Variants in ANKRD44 observed in about 807,000 individuals in gnomAD.
The protein encoded by ANKRD44 is serine/threonine-protein phosphatase 6 regulatory ankyrin repeat subunit B.
Under a neutral mutation model 116.0 loss-of-function variants are expected in ANKRD44, and 35 were observed. The ratio of observed to expected loss-of-function variants is 0.30; its 90% CI spans 0.23 to 0.40. The LOEUF is 0.40. ANKRD44 is among the 10% of genes least tolerant of loss of function. The pLI is 1.00. For missense variants in ANKRD44, 1,014 were observed against 1,242.6 expected, an observed-to-expected ratio of 0.82 and a Z score of 2.77; for synonymous variants, 435 against 461.8, an observed-to-expected ratio of 0.94 and a Z score of 0.74.
chr2:197,124,689 C>G (rs1192576092), intron 6 of ANKRD44, among the ~76,000 whole-genome samples: 1 of 152,176 alleles, frequency 6.6e-6, no homozygotes, highest in Non-Finnish European at 1.5e-5. Flanking sequence ...GTCTATTTTT[C>G]TAATGGCAGG....
chr2:197,186,711 T>G (rs914590635), intron 2 of ANKRD44, among the ~76,000 whole-genome samples: 4 of 134,160 alleles, frequency 3.0e-5, no homozygotes, highest in Non-Finnish European at 6.3e-5. Flanking sequence ...TCTGCCCAAC[T>G]CAGCCTCCCA....
chr2:197,081,301 A>G (rs1207212961), intron 15 of ANKRD44, among the ~76,000 whole-genome samples: 1 of 152,222 alleles, frequency 6.6e-6, no homozygotes, highest in African/African-American at 2.4e-5. Flanking sequence ...CCAGGTCATA[A>G]GAGCAGAACC....
In ANKRD44 at chr2:197,201,250, G is replaced by A. The variant is rs975066115; in HGVS notation, c.28-14144C>T. On this transcript the variant is annotated intron_variant, in intron 1 of 27. Coordinates refer to ENST00000282272, the MANE Select transcript of ANKRD44 (RefSeq NM_001195144.2). This position sits in a 1 kb window ranked among gnomAD's most constrained non-coding sequence, Gnocchi z 4.0. ...CCCAGAATGTTCATGTGAAGGGCAC[G>A]TGTGAAGACATAATCTTGACAGTCA... is the stretch of plus-strand genomic sequence containing the variant. Among the ~76,000 whole-genome samples the A allele has an allele frequency of 9.2e-5, 14 of 152,200 alleles. No individual in the cohort carries two copies. Among genetic ancestry groups the A allele is most frequent in the East Asian group, 7.7e-4 (4 of 5,198 alleles).
At chr2:197,130,628 A>G (rs2079073480) in intron 4 of ANKRD44, among the ~76,000 whole-genome samples, 2 of 152,234 alleles carry the variant, frequency 1.3e-5, no homozygotes, top group African/African-American at 2.4e-5. Flanking sequence ...AGATTATAAA[A>G]TGCTTACTTT....
At chr2:197,128,006 T>C (rs1267930344) in intron 4 of ANKRD44, among the ~76,000 whole-genome samples, 1 of 152,232 alleles carries the variant, frequency 6.6e-6, no homozygotes, top group Non-Finnish European at 1.5e-5. Flanking sequence ...TATTGTTCCT[T>C]TTTATGGCTG....
At chr2:196,995,594 G>T (rs1419090964) in intron 25 of ANKRD44, 133 bp from the exon 26 acceptor site, 3 of 624,990 alleles carry the variant, frequency 4.8e-6, no homozygotes, top group Non-Finnish European at 7.9e-6. Flanking sequence ...TATTTTCTGA[G>T]TAATTTTTTT....
At chr2:197,191,153 G>C (rs993057530) in intron 1 of ANKRD44, among the ~76,000 whole-genome samples, 3 of 152,212 alleles carry the variant, frequency 2.0e-5, no homozygotes, top group Admixed American at 6.5e-5. Flanking sequence ...TGTCAGTGCT[G>C]CAGATATTGG....
At chr2:196,990,320 A>G in intron 27 of ANKRD44, 1 of 994,468 alleles carries the variant, frequency 1.0e-6, no homozygotes, top group East Asian at 1.1e-4. Context: ...TATACTTCTG[A>G]GAACTCACTG....
chr2:197,018,937 T>C (rs1489969831), intron 17 of ANKRD44, among the ~76,000 whole-genome samples: 1 of 150,414 alleles, frequency 6.6e-6, no homozygotes, highest in African/African-American at 2.4e-5. Flanking sequence ...CAAGATCACT[T>C]AGTTAGTAAG....
intron 1 of ANKRD44, among the ~76,000 whole-genome samples, chr2:197,236,277 T>C (rs2081975318): frequency 6.6e-6 from 1 of 152,124 alleles, no homozygotes; most frequent in Admixed American, 6.6e-5. Context: ...GCCCCTACTA[T>C]GCCCTAGCTT....
At chr2:196,976,295 CCTGG>C (rs1343672470) in intron 21 of ANKRD44, among the ~76,000 whole-genome samples, 7 of 152,022 alleles carry the variant, frequency 4.6e-5, no homozygotes, top group Non-Finnish European at 8.8e-5. Context: ...AGCCACCACG[CCTGG>C]CTAATTTTTT....
chr2:197,216,457 A>G (rs1021198450), intron 1 of ANKRD44, among the ~76,000 whole-genome samples: 6 of 152,126 alleles, frequency 3.9e-5, no homozygotes, highest in African/African-American at 1.4e-4. Context: ...ACCTCCCTCC[A>G]TTTTAGGAGC....
intron 21 of ANKRD44, among the ~76,000 whole-genome samples, chr2:196,976,749 C>T (rs1001189266): frequency 6.6e-6 from 1 of 152,066 alleles, no homozygotes; most frequent in African/African-American, 2.4e-5. Flanking sequence ...CGCCTGTAGT[C>T]CCAGCTACTT....
intron 4 of ANKRD44, among the ~76,000 whole-genome samples, chr2:197,126,497 T>A (rs1379657048): frequency 6.6e-6 from 1 of 152,272 alleles, no homozygotes; most frequent in Non-Finnish European, 1.5e-5. Context: ...GTAACATCTC[T>A]GTTACCATCT....
At chr2:197,117,944 GCTCATGCCTGTAAT>G (rs2078752161) in intron 8 of ANKRD44, among the ~76,000 whole-genome samples, 1 of 152,114 alleles carries the variant, frequency 6.6e-6, no homozygotes, top group East Asian at 1.9e-4. Flanking sequence ...AGGTGCAGTG[GCTCATGCCTGTAAT>G]CCCAGCACTT....
intron 1 of ANKRD44, among the ~76,000 whole-genome samples, chr2:197,306,296 T>A (rs1163058536): frequency 6.6e-6 from 1 of 152,202 alleles, no homozygotes; most frequent in East Asian, 1.9e-4. Flanking sequence ...GGTAGGACAG[T>A]GTGCTAGATC....
chr2:197,045,512 G>T (rs552820444), intron 16 of ANKRD44, among the ~76,000 whole-genome samples: 12 of 152,148 alleles, frequency 7.9e-5, no homozygotes, highest in Admixed American at 4.6e-4. Flanking sequence ...TAGCCTAAAA[G>T]CTCCTAAATT....
intron 18 of ANKRD44, among the ~76,000 whole-genome samples, chr2:197,010,225 G>T (rs1166305577): frequency 2.0e-5 from 3 of 152,152 alleles, no homozygotes; most frequent in Non-Finnish European, 4.4e-5. Flanking sequence ...GGTGGTGGCA[G>T]AAAACAAAAC....
chr2:197,241,662 TAAG>T (rs1342828940), intron 1 of ANKRD44, among the ~76,000 whole-genome samples: 7 of 152,170 alleles, frequency 4.6e-5, no homozygotes, highest in Non-Finnish European at 7.4e-5. Flanking sequence ...TTTTTAAAAA[TAAG>T]AAGTTTCAGA....
Sources: gnomAD v4.1 joint callset for allele counts (sites outside exome capture counted in the v4.1 genomes callset) on GRCh38, gnomAD v4.1.1 for gene constraint, Gnocchi (gnomAD v3.1) non-coding constraint, MANE v1.5 for transcripts, NCBI Gene and HGNC (gene_info 2026-07-23, HGNC 2026-07-21) for gene names.